CD300C: variants seen among roughly 807,000 people sequenced by gnomAD.
The protein encoded by CD300C is CMRF35-like molecule 6.
A neutral mutation model predicts 18.4 loss-of-function variants in CD300C; 11 were observed. The observed-to-expected ratio is 0.60, with a 90% CI of 0.38 to 0.99. CD300C has a LOEUF of 0.99. Among genes scored for constraint, CD300C ranks in the 50% least tolerant of loss-of-function variants. The pLI is 0.01. For missense variants in CD300C, 277 were observed against 287.4 expected, an observed-to-expected ratio of 0.96 and a Z score of 0.26; for synonymous variants, 116 against 116.3, an observed-to-expected ratio of 1.00 and a Z score of 0.02.
rs1321650657 is a variant in CD300C, at chr17:74,541,325, C to T, written c.*264G>A. The stretch of plus-strand genomic sequence containing the variant: ...AATGGAAGGGTGCAGGGAGGGCATC[C>T]GGGCACTCAGAGGTATTGCTGACGG... On this transcript the variant is annotated 3_prime_UTR_variant, in exon 4 of 4. Coordinates refer to ENST00000330793, the MANE Select transcript of CD300C (RefSeq NM_006678.5). 3.4e-5 allele frequency: 14 copies of T among 406,340 alleles called. No individual in the cohort carries two copies. The highest frequency in any genetic ancestry group is 1.8e-4 in the Admixed American group (5 of 27,984). 25.2% of individuals were successfully genotyped at this position (406,340 alleles called of 1,614,324 possible).
rs182317930 is a variant in CD300C, at chr17:74,541,329, C to T, written c.*260G>A. 4.8e-6 allele frequency: 2 copies of T among 416,028 alleles called. No homozygotes were observed. The highest frequency in any genetic ancestry group is 3.5e-5 in the Admixed American group (1 of 28,270). The allele number at this position is 416,028 out of a possible 1,614,324, so 25.8% of individuals were successfully genotyped here. A position where few individuals can be genotyped will look rare whatever the true frequency, so the allele number is the denominator to read the frequency against. ...GAAGGGTGCAGGGAGGGCATCCGGG[C>T]ACTCAGAGGTATTGCTGACGGCCCG... is the stretch of plus-strand genomic sequence containing the variant. On this transcript the variant is annotated 3_prime_UTR_variant, in exon 4 of 4. Coordinates refer to ENST00000330793, the MANE Select transcript of CD300C (RefSeq NM_006678.5).
At position 74,545,878 on chromosome 17, in the gene CD300C, T is replaced by G; in HGVS notation, c.-96A>C. ...CAGATCTGAGCTTCGCTTCTGCTTT[T>G]CTTCTGCTCTCTGCTTCCTTGTCCA... On this transcript the variant is annotated 5_prime_UTR_variant, in exon 1 of 4. Transcript: ENST00000330793. 1.1e-5 allele frequency: 11 copies of G among 986,668 alleles called. No individual in the cohort carries two copies. The highest frequency in any genetic ancestry group is 1.6e-5 in the Non-Finnish European group (10 of 644,984). The allele number at this position is 986,668 out of a possible 1,614,324, so 61.1% of individuals were successfully genotyped here.
downstream of CD300C, among the ~76,000 whole-genome samples, chr17:74,537,067 G>A (rs142684139): frequency 5.8e-3 from 880 of 151,598 alleles, 6 homozygotes; most frequent in Non-Finnish European, 6.8e-3. Context: ...AGAAAAGGAG[G>A]AGGAGGAGGA....
intron 2 of CD300C, 72 bp downstream of exon 2, chr17:74,544,537 T>C (rs1283717653): frequency 3.3e-6 from 5 of 1,524,976 alleles, no homozygotes; most frequent in Non-Finnish European, 4.4e-6. Flanking sequence ...CCTGTTCCAC[T>C]TCTTTCTTCA....
At chr17:74,542,745 G>T in intron 3 of CD300C, 116 bp downstream of exon 3, 1 of 1,223,710 alleles carries the variant, frequency 8.2e-7, no homozygotes, top group Non-Finnish European at 1.1e-6. Flanking sequence ...CTTCACGTTT[G>T]GTGTGGGAGG....
At chr17:74,535,037 GATTA>G in the CD300C span, among the ~76,000 whole-genome samples, 1 of 152,172 alleles carries the variant, frequency 6.6e-6, no homozygotes, top group African/African-American at 2.4e-5. Context: ...AATTATTCTA[GATTA>G]ATTGATTATC....
rs2143153971 is a variant in CD300C at position 74,544,600 on chromosome 17, G to A, written c.400+9C>T. The A allele has an allele frequency of 6.2e-7, 1 of 1,603,776 alleles. No individual in the cohort carries two copies. The highest frequency in any genetic ancestry group is 8.5e-7 in the Non-Finnish European group (1 of 1,172,664). On this transcript the variant is annotated intron_variant, in intron 2 of 3. Coordinates refer to ENST00000330793, the MANE Select transcript of CD300C (RefSeq NM_006678.5). ...GGCAGGCCTGGTGCTGAGAAAAGGA[G>A]GGGCTCACCCGGGAACACGGACACC...
At position 74,542,684 on chromosome 17, in the gene CD300C, G is replaced by C. The variant is rs1460574275; in HGVS notation, c.527+177C>G. Among the ~76,000 whole-genome samples the C allele has an allele frequency of 3.3e-5, 5 of 152,246 alleles. No homozygotes were observed. The East Asian group carries it at 9.6e-4, about 29-fold the overall frequency. On this transcript the variant is annotated intron_variant, in intron 3 of 3. Transcript: ENST00000330793. ...ACCAGGGCAGGACAGTGGCTGTGTG[G>C]TTCCCTGCTGTGACCCAATCCCAAA...
At position 74,544,787 on chromosome 17, in the gene CD300C, T is replaced by TG; in HGVS notation, c.221dup (p.Ala75SerfsTer48). On this transcript the variant is annotated frameshift_variant, in exon 2 of 4. Transcript: ENST00000330793. LOFTEE classifies it high-confidence loss of function. ...ACACTCGGCCATTCCTTTTCCCTGC[T>TG]GACCCTTTGGTCTCCACAATCTTGT... 2 of 1,614,278 alleles carry TG rather than the reference T, an allele frequency of 1.2e-6. No homozygotes were observed. The highest frequency in any genetic ancestry group is 1.1e-5 in the South Asian group (1 of 91,084).
At chr17:74,536,895 T>A (rs533599709), downstream of CD300C, among the ~76,000 whole-genome samples, 3 of 151,516 alleles carry the variant, frequency 2.0e-5, no homozygotes, top group South Asian at 6.3e-4. Flanking sequence ...ACAGACAAAA[T>A]TAGGATATAT....
At chr17:74,534,638 A>T in the CD300C span, among the ~76,000 whole-genome samples, 1 of 152,176 alleles carries the variant, frequency 6.6e-6, no homozygotes, top group Non-Finnish European at 1.5e-5. Flanking sequence ...AAGGAAGGAG[A>T]CTAAAATAAT....
downstream of CD300C, among the ~76,000 whole-genome samples, chr17:74,536,991 G>A (rs1440058743): frequency 6.6e-6 from 1 of 151,784 alleles, no homozygotes; most frequent in African/African-American, 2.4e-5. Flanking sequence ...AGAAGAGGAG[G>A]AGGACCAAGA....
chr17:74,535,859 G>T, the CD300C span, among the ~76,000 whole-genome samples: 12 of 152,260 alleles, frequency 7.9e-5, no homozygotes, highest in African/African-American at 2.9e-4. Flanking sequence ...AAACAATGTT[G>T]TCTTGGTTCC....
intron 3 of CD300C, among the ~76,000 whole-genome samples, chr17:74,542,172 A>G (rs972719535): frequency 3.3e-5 from 5 of 152,164 alleles, no homozygotes; most frequent in African/African-American, 1.2e-4. Flanking sequence ...CGGAGTCTCC[A>G]ATAATCTGCC....
At position 74,544,908 on chromosome 17, in the gene CD300C, G is replaced by A. The variant is rs1908700000; in HGVS notation, c.101C>T (p.Pro34Leu). The change falls in exon 2 of 4, where the codon CCC becomes CTC. Residue 34 changes from proline (P) to leucine (L), a missense_variant. Coordinates refer to ENST00000330793, the MANE Select transcript of CD300C (RefSeq NM_006678.5). ...CTGCACACTCAGGGATCCCCCCACG[G>A]GGCCCGCCACGGTCATGGGGTGGCT... ...PLSHPMTVAG[P>L]VGGSLSVQCR... 1.2e-6 allele frequency: 2 copies of A among 1,613,462 alleles called. No homozygotes were observed. Among genetic ancestry groups the A allele is most frequent in the Non-Finnish European group, 1.7e-6 (2 of 1,179,686 alleles).
chr17:74,537,556 G>C (rs1158970888), downstream of CD300C, among the ~76,000 whole-genome samples: 1 of 151,344 alleles, frequency 6.6e-6, no homozygotes, highest in Non-Finnish European at 1.5e-5. Flanking sequence ...TTGAACCTGG[G>C]AGGCAGAGGT....
At position 74,542,857 on chromosome 17, in the gene CD300C, T is replaced by A. The variant is rs769032417; in HGVS notation, c.527+4A>T. 7 of 1,604,506 alleles carry A rather than the reference T, an allele frequency of 4.4e-6. No homozygotes were observed. The East Asian group carries it at 1.6e-4, about 36-fold the overall frequency. On this transcript the variant is annotated splice_donor_region_variant and intron_variant, in intron 3 of 3. Transcript: ENST00000330793. ...TGGCCCAGTCCTATGCGCAGGCACCTTACCCAGGGTGTGGGCTGGGTTCGG... is the reference window on the plus strand; with the variant it reads ...TGGCCCAGTCCTATGCGCAGGCACCATACCCAGGGTGTGGGCTGGGTTCGG...
Position 74,541,641 on chromosome 17 carries a change from G to C in CD300C, c.623C>G (p.Pro208Arg), listed in dbSNP as rs753464162. The change falls in exon 4 of 4, where the codon CCT becomes CGT. Residue 208 changes from proline (P) to arginine (R), a missense_variant. Coordinates refer to ENST00000330793, the MANE Select transcript of CD300C (RefSeq NM_006678.5). ...CTGCCTGCTTCTAGAGCTTCTCTGA[G>C]GTCTGTTCACCCAGAGGACGGCACC... The part of the protein sequence containing the change: ...MLGAVLWVNR[P>R]QRSSRSRQNW... The C allele has an allele frequency of 6.8e-6, 11 of 1,614,024 alleles. No individual in the cohort carries two copies. The South Asian group carries it at 1.2e-4, about 18-fold the overall frequency.
At chr17:74,543,592 C>A (rs1307946021) in intron 2 of CD300C, among the ~76,000 whole-genome samples, 1 of 152,174 alleles carries the variant, frequency 6.6e-6, no homozygotes, top group East Asian at 1.9e-4. Context: ...CCCTTTCCTC[C>A]TCTCCCTGGC....
Sources: gnomAD v4.1 joint callset for allele counts (sites outside exome capture counted in the v4.1 genomes callset) on GRCh38, gnomAD v4.1.1 for gene constraint, MANE v1.5 for transcripts, NCBI Gene and HGNC (gene_info 2026-07-23, HGNC 2026-07-21) for gene names.